The following CCNH variants were observed in gnomAD, a reference collection of about 807,000 sequenced individuals.
CCNH encodes the protein cyclin H, also known as cyclin-H.
In CCNH, 31 loss-of-function variants were observed where a neutral mutation model predicts 41.9. That is an observed-to-expected ratio of 0.74 (90% CI 0.56 to 1.00). The LOEUF (loss-of-function observed/expected upper bound fraction) is 1.00, where lower values mean the gene tolerates loss of function less well. CCNH is among the 50% of genes least tolerant of loss of function. CCNH has a pLI of 0.00. For synonymous variants in CCNH, 138 were observed against 136.1 expected (o/e 1.01, Z -0.10); for missense variants, 362 against 388.4 (o/e 0.93, Z 0.57).
chr5:87,315,376 C>A (rs988324881), downstream of CCNH, among the ~76,000 whole-genome samples: 3 of 152,148 alleles, frequency 2.0e-5, no homozygotes, highest in Non-Finnish European at 4.4e-5. Context: ...CTCTCCTTCT[C>A]TTATAAAAAC....
At chr5:87,397,894 G>A (rs1763089453) in intron 7 of CCNH, among the ~76,000 whole-genome samples, 1 of 152,214 alleles carries the variant, frequency 6.6e-6, no homozygotes, top group Non-Finnish European at 1.5e-5. Flanking sequence ...GCTGTATCAT[G>A]AAAATAGCCA....
chr5:87,366,641 T>A (rs1161253763), intron 9 of CCNH: 3 of 159,460 alleles, frequency 1.9e-5, no homozygotes, highest in Non-Finnish European at 4.2e-5. Flanking sequence ...AAAAAGTCTT[T>A]GTAATGAATT....
chr5:87,412,809 C>A lies in CCNH; in HGVS notation c.-15G>T. The A allele has an allele frequency of 6.2e-7, 1 of 1,613,650 alleles. No homozygotes were observed. Among genetic ancestry groups the A allele is most frequent in the Non-Finnish European group, 8.5e-7 (1 of 1,179,686 alleles). ...TTGTGGTACATTATGGAATCGTGAC[C>A]AGGTCCAGAGGGTCTGCAGACGAGA... is the stretch of plus-strand genomic sequence containing the variant. On this transcript the variant is annotated 5_prime_UTR_variant, in exon 1 of 9. Transcript: ENST00000256897.
chr5:87,357,298 C>T (rs1162928427), intron 9 of CCNH, among the ~76,000 whole-genome samples: 1 of 151,652 alleles, frequency 6.6e-6, no homozygotes, highest in Non-Finnish European at 1.5e-5. Flanking sequence ...CTTTTTAGAC[C>T]ATGGCTAGGA....
At chr5:87,412,411 G>A (rs146153935) in intron 1 of CCNH, 66 of 1,224,428 alleles carry the variant, frequency 5.4e-5, no homozygotes, top group Admixed American at 1.1e-4. Flanking sequence ...CTCTTGCCAC[G>A]CACTACCTTA....
downstream of CCNH, chr5:87,374,365 A>G (rs759928679): frequency 8.4e-6 from 13 of 1,546,518 alleles, no homozygotes; most frequent in South Asian, 1.0e-4. Flanking sequence ...CTTTTACCAT[A>G]TTGCATTTCT....
exon 1 of CCNH, chr5:87,376,320 C>T: frequency 6.5e-7 from 1 of 1,549,094 alleles, no homozygotes; most frequent in Non-Finnish European, 8.8e-7. Context: ...GACTGAACAC[C>T]AGGAAAATTT....
downstream of CCNH, chr5:87,391,722 CATT>C (rs201705926): frequency 2.9e-3 from 667 of 232,616 alleles, 6 homozygotes; most frequent in East Asian, 0.015. Context: ...GTTATTTGTT[CATT>C]ATTTGTGCTA....
chr5:87,321,991 C>T (rs988329281), intron 9 of CCNH, among the ~76,000 whole-genome samples: 2 of 152,114 alleles, frequency 1.3e-5, no homozygotes, highest in African/African-American at 4.8e-5. Flanking sequence ...AAGACTATAA[C>T]AAGGGTGATA....
At chr5:87,384,461 G>A (rs1761933342) in intron 9 of CCNH, among the ~76,000 whole-genome samples, 1 of 152,048 alleles carries the variant, frequency 6.6e-6, no homozygotes, top group African/African-American at 2.4e-5. Context: ...GCTCAAAATT[G>A]TACTAAAAAT....
At chr5:87,346,561 C>A (rs1353078934) in intron 9 of CCNH, 3 of 583,682 alleles carry the variant, frequency 5.1e-6, no homozygotes, top group Non-Finnish European at 6.0e-6. Context: ...TGATTAATTG[C>A]ATTTATTTTA....
At chr5:87,350,738 G>A (rs1295345967) in intron 9 of CCNH, among the ~76,000 whole-genome samples, 1 of 151,012 alleles carries the variant, frequency 6.6e-6, no homozygotes, top group Non-Finnish European at 1.5e-5. Flanking sequence ...AAAGTTAAAT[G>A]TATGTTAATT....
At chr5:87,378,369 A>C (rs1189665989), upstream of CCNH, 1 of 1,610,254 alleles carries the variant, frequency 6.2e-7, no homozygotes. Flanking sequence ...CTTTACAAAT[A>C]ATCTTCTAAT....
upstream of CCNH, chr5:87,378,406 T>A (rs755011839): frequency 6.2e-7 from 1 of 1,613,366 alleles, no homozygotes; most frequent in South Asian, 1.1e-5. Flanking sequence ...ATGAAGCCAC[T>A]ACCCTATTTC....
upstream of CCNH, chr5:87,378,355 A>G: frequency 6.2e-7 from 1 of 1,603,848 alleles, no homozygotes; most frequent in Non-Finnish European, 8.5e-7. Context: ...ACATTAGGTC[A>G]GTCCTTTACA....
downstream of CCNH, chr5:87,372,306 T>C (rs1017819503): frequency 7.7e-6 from 7 of 912,384 alleles, no homozygotes; most frequent in Admixed American, 2.1e-5. Flanking sequence ...GGTTAAGCCA[T>C]GCTGCCACTT....
rs1311461793 is a variant in CCNH, at chr5:87,398,902, G to A, written c.872+492C>T. On this transcript the variant is annotated intron_variant, in intron 7 of 8. Coordinates refer to ENST00000256897, the MANE Select transcript of CCNH (RefSeq NM_001239.4). ...GCAGGAGAATGACCTGAACCTGGAA[G>A]GCAGAGCTTGCAGTGAGCTGAGATC... is the stretch of plus-strand genomic sequence containing the variant. 2.0e-5 allele frequency among the ~76,000 whole-genome samples: 3 copies of A among 151,894 alleles called. No homozygotes were observed. The South Asian group carries it at 6.3e-4, about 32-fold the overall frequency.
Position 87,341,313 on chromosome 5 carries a change from A to G in CCNH, c.*91-22416T>C, listed in dbSNP as rs765138678. ...AGGGCCGGGAAGAAGATCCACATGA[A>G]GGAAAAATGTGAGTTTGTGTTAATT... On this transcript the variant is annotated intron_variant and NMD_transcript_variant, in intron 9 of 9. Transcript: ENST00000645953. 2.6e-4 allele frequency: 359 copies of G among 1,357,574 alleles called. No homozygotes were observed. The highest frequency in any genetic ancestry group is 3.2e-4 in the Non-Finnish European group (337 of 1,047,254). The allele number at this position is 1,357,574 out of a possible 1,614,324, so 84.1% of individuals were successfully genotyped here.
At chr5:87,331,348 G>T in intron 9 of CCNH, 1 of 1,601,958 alleles carries the variant, frequency 6.2e-7, no homozygotes, top group Non-Finnish European at 8.6e-7. Context: ...TTTCCCCTAG[G>T]TGGTATCACG....
Sources: allele counts gnomAD v4.1 joint callset (sites outside exome capture counted in the v4.1 genomes callset), GRCh38; gene constraint gnomAD v4.1.1; transcripts MANE v1.5; gene names NCBI Gene and HGNC (gene_info 2026-07-23, HGNC 2026-07-21).